Variants in HDDC2 observed in about 807,000 individuals in gnomAD.
HDDC2 encodes the protein HD domain containing 2.
A neutral mutation model predicts 25.5 loss-of-function variants in HDDC2; 25 were observed. The ratio of observed to expected loss-of-function variants is 0.98; its 90% CI spans 0.72 to 1.37. The LOEUF (loss-of-function observed/expected upper bound fraction) is 1.37. Ranked by LOEUF, HDDC2 falls within the 40% of genes most tolerant of loss-of-function variation. HDDC2 has a pLI of 0.00. For missense variants in HDDC2, 264 were observed against 253.1 expected (o/e 1.04, Z -0.29); for synonymous variants, 106 against 89.7 (o/e 1.18, Z -1.03).
chr6:125,278,031 G>A (rs1204671648), intron 4 of HDDC2: 2 of 152,142 alleles, frequency 1.3e-5, no homozygotes, highest in East Asian at 3.8e-4. Flanking sequence ...TAAGAACAAA[G>A]TGCTCCCAAC....
Position 125,285,121 on chromosome 6 carries a change from A to C in HDDC2, c.378+7720T>G, listed in dbSNP as rs1292551560. On this transcript the variant is annotated intron_variant, in intron 4 of 5. Coordinates refer to ENST00000398153, the MANE Select transcript of HDDC2 (RefSeq NM_016063.3). ...TAAGTGGGAGTGGAACAATGAGAAC[A>C]TACGGGCACAGGGAGGGGAACATCA... 4.1e-5 allele frequency among the ~76,000 whole-genome samples: 6 copies of C among 146,762 alleles called. No homozygotes were observed. In the East Asian group the frequency reaches 1.3e-3, roughly 31 times the overall value.
In HDDC2 at chr6:125,276,065, C is replaced by T. The variant is rs938348478; in HGVS notation, c.*81G>A. The T allele has an allele frequency of 6.7e-6, 7 of 1,050,306 alleles. No individual in the cohort carries two copies. Among genetic ancestry groups the T allele is most frequent in the African/African-American group, 6.3e-5 (4 of 63,636 alleles). The allele number at this position is 1,050,306 out of a possible 1,614,324, so 65.1% of individuals were successfully genotyped here. On this transcript the variant is annotated 3_prime_UTR_variant, in exon 6 of 6. Transcript: ENST00000398153. ...ACAGACTCACATCTAGGGAAATCAA[C>T]AGACCAACAATGGCAAAACACAATA...
chr6:125,293,015 G>A (rs748499291), intron 3 of HDDC2, 106 bp from the exon 4 acceptor site: 3 of 878,406 alleles, frequency 3.4e-6, no homozygotes, highest in Admixed American at 1.8e-5. Flanking sequence ...ACTCTCACAG[G>A]GGCAGCAGAG....
intron 4 of HDDC2, among the ~76,000 whole-genome samples, chr6:125,284,815 T>G (rs1250824166): frequency 1.3e-5 from 2 of 152,188 alleles, no homozygotes; most frequent in African/African-American, 2.4e-5. Context: ...CATTACCGGG[T>G]ATACACCCAA....
rs1246982124 is a variant in HDDC2, at chr6:125,282,240, G to A, written c.379-5000C>T. Among the ~76,000 whole-genome samples, 3 of 151,898 alleles carry A rather than the reference G, an allele frequency of 2.0e-5. No individual in the cohort carries two copies. In the East Asian group the frequency reaches 5.8e-4, roughly 29 times the overall value. ...GGGCGCCTATAGTCTCAGCTACTCG[G>A]GAGGTTGAGGCAGGAGAATTGCTGG... On this transcript the variant is annotated intron_variant, in intron 4 of 5. Transcript: ENST00000398153.
At chr6:125,290,158 A>T (rs1798609182) in intron 4 of HDDC2, among the ~76,000 whole-genome samples, 1 of 152,224 alleles carries the variant, frequency 6.6e-6, no homozygotes, top group Non-Finnish European at 1.5e-5. Flanking sequence ...GTGAGTACAG[A>T]ATGACCCTAC....
intron 4 of HDDC2, among the ~76,000 whole-genome samples, chr6:125,290,920 C>T (rs1436147936): frequency 3.3e-5 from 5 of 152,182 alleles, no homozygotes; most frequent in Non-Finnish European, 5.9e-5. Flanking sequence ...GAAGATACTA[C>T]TGCAAGTAAA....
intron 4 of HDDC2, among the ~76,000 whole-genome samples, chr6:125,279,628 T>A (rs564082420): frequency 2.6e-5 from 4 of 152,250 alleles, no homozygotes; most frequent in Admixed American, 6.5e-5. Flanking sequence ...TACCATGTTG[T>A]GAGCCATAAA....
intron 2 of HDDC2, among the ~76,000 whole-genome samples, chr6:125,299,739 G>A (rs1218160651): frequency 6.6e-6 from 1 of 152,164 alleles, no homozygotes; most frequent in Non-Finnish European, 1.5e-5. Context: ...GAGTAACAGA[G>A]GACTCCTCAG....
At position 125,301,898 on chromosome 6, in the gene HDDC2, T is replaced by TGGCCCGAGAAGGTCGCAGAGG; in HGVS notation, c.14_34dup (p.Gly11_His12insProSerAlaThrPheSerGly). ...GAACTGCAGTAGGGACCGAGCCCCG[T>TGGCCCGAGAAGGTCGCAGAGG]GGCCCGAGAAGGTCGCAGAGGAGAC... On this transcript the variant is annotated inframe_insertion, in exon 1 of 6. Transcript: ENST00000398153. The TGGCCCGAGAAGGTCGCAGAGG allele has an allele frequency of 1.3e-6, 2 of 1,552,224 alleles. No homozygotes were observed. Among genetic ancestry groups the TGGCCCGAGAAGGTCGCAGAGG allele is most frequent in the Non-Finnish European group, 1.7e-6 (2 of 1,149,602 alleles).
At position 125,277,238 on chromosome 6, in the gene HDDC2, C is replaced by A. The variant is rs542805186; in HGVS notation, c.381G>T (p.Glu127Asp). ...CTTCTGCACTAGATTGGGTCTCGTA[C>A]TCCTAAGTAAAGGGACAATTAAAGC... Reference protein sequence around the residue: ...LRKELYELWEEYETQSSAEAK... With the variant: ...LRKELYELWEDYETQSSAEAK... Residue 127 changes from glutamate (E) to aspartate (D), a missense_variant and splice_region_variant, in exon 5 of 6, where the codon GAG becomes GAT. Physicochemically the swap from Glu to Asp is conservative, Grantham distance 45 (BLOSUM62 2). Transcript: ENST00000398153. The A allele has an allele frequency of 1.1e-4, 185 of 1,613,996 alleles. 2 individuals are homozygous for A. In the South Asian group the frequency reaches 1.9e-3, roughly 17 times the overall value.
intron 4 of HDDC2, among the ~76,000 whole-genome samples, chr6:125,287,460 T>C (rs903698012): frequency 4.6e-5 from 7 of 152,186 alleles, no homozygotes; most frequent in African/African-American, 1.7e-4. Flanking sequence ...CTTGGCCTTT[T>C]GCATGGTTTT....
intron 3 of HDDC2, among the ~76,000 whole-genome samples, chr6:125,295,510 G>A (rs1389266746): frequency 6.6e-6 from 1 of 152,180 alleles, no homozygotes; most frequent in African/African-American, 2.4e-5. Flanking sequence ...CTACACAGTG[G>A]GGTTAAATAT....
chr6:125,293,839 T>C (rs1205193615), intron 3 of HDDC2, among the ~76,000 whole-genome samples: 1 of 152,116 alleles, frequency 6.6e-6, no homozygotes, highest in Non-Finnish European at 1.5e-5. Context: ...CCATCTGCAT[T>C]TGTCAAGCAG....
chr6:125,280,819 G>A (rs1798447339), intron 4 of HDDC2, among the ~76,000 whole-genome samples: 1 of 152,230 alleles, frequency 6.6e-6, no homozygotes, highest in South Asian at 2.1e-4. Flanking sequence ...CCTGCCTGCC[G>A]GCTCTGAAGA....
At chr6:125,289,603 G>C (rs1213113955) in intron 4 of HDDC2, among the ~76,000 whole-genome samples, 2 of 151,646 alleles carry the variant, frequency 1.3e-5, no homozygotes, top group Non-Finnish European at 2.9e-5. Flanking sequence ...TTTATCTTTT[G>C]CATCTTCCCC....
intron 3 of HDDC2, among the ~76,000 whole-genome samples, chr6:125,295,029 G>C (rs1353510089): frequency 6.6e-6 from 1 of 152,196 alleles, no homozygotes; most frequent in Admixed American, 6.5e-5. Context: ...ACCTTGTAGA[G>C]AGTTAATATT....
intron 3 of HDDC2, chr6:125,293,158 A>G (rs752734645): frequency 1.1e-5 from 6 of 547,180 alleles, no homozygotes; most frequent in Non-Finnish European, 2.0e-5. Flanking sequence ...CACAACAGAC[A>G]TAGAAAAGGA....
At chr6:125,292,198 CTG>C (rs1433754102) in intron 4 of HDDC2, among the ~76,000 whole-genome samples, 1 of 152,084 alleles carries the variant, frequency 6.6e-6, no homozygotes, top group African/African-American at 2.4e-5. Context: ...AAGAGAGAAA[CTG>C]TAATTGGAAA....
Sources: gnomAD v4.1 joint callset for allele counts (sites outside exome capture counted in the v4.1 genomes callset) on GRCh38, gnomAD v4.1.1 for gene constraint, MANE v1.5 for transcripts, NCBI Gene and HGNC (gene_info 2026-07-23, HGNC 2026-07-21) for gene names.